Variants in ITPRID2 observed in about 807,000 individuals in gnomAD.
ITPRID2 encodes ITPR interacting domain containing 2, also known as protein ITPRID2.
ITPRID2 carries 60 observed loss-of-function variants against 124.3 expected under a neutral mutation model. The ratio of observed to expected loss-of-function variants is 0.48; its 90% confidence interval spans 0.39 to 0.60. The LOEUF (loss-of-function observed/expected upper bound fraction) is 0.60, where lower values mean the gene tolerates loss of function less well. ITPRID2 is among the 20% of genes least tolerant of loss of function. ITPRID2 has a pLI of 0.00. For missense variants in ITPRID2, 1,553 were observed against 1,512.2 expected, an observed-to-expected ratio of 1.03 and a Z score of -0.45; for synonymous variants, 521 against 542.9, an observed-to-expected ratio of 0.96 and a Z score of 0.56.
Position 181,899,179 on chromosome 2 carries a change from CA to C in ITPRID2, c.503+69del, listed in dbSNP as rs1473581155. Reference sequence around the variant, plus strand: ...AGATGACCTACTCTTATCATTTTTTCAATCTTGGATTTGACCTTGATCATAT... The same window carrying C: ...AGATGACCTACTCTTATCATTTTTTCATCTTGGATTTGACCTTGATCATAT... On this transcript the variant is annotated intron_variant, in intron 6 of 17. Transcript: ENST00000431877. 3 of 1,168,234 alleles carry C rather than the reference CA, an allele frequency of 2.6e-6. No individual in the cohort carries two copies. In the East Asian group the frequency reaches 7.3e-5, roughly 28 times the overall value. The allele number at this position is 1,168,234 out of a possible 1,614,324, so 72.4% of individuals were successfully genotyped here. A position where few individuals can be genotyped will look rare whatever the true frequency, so the allele number is the denominator to read the frequency against.
chr2:181,892,047 GC>G lies in ITPRID2; in HGVS notation c.-19del. Reference sequence around the variant, plus strand: ...TCTCGCGCAGGGTCCGGCTGGGGTAGCGGAGCCCCCAGTGCGGCCATGGACC... The same window carrying G: ...TCTCGCGCAGGGTCCGGCTGGGGTAGGGAGCCCCCAGTGCGGCCATGGACC... On this transcript the variant is annotated 5_prime_UTR_variant, in exon 1 of 18. Transcript: ENST00000431877. This position sits in a 1 kb window ranked among gnomAD's most constrained non-coding sequence, Gnocchi z 5.2. 3 of 1,547,022 alleles carry G rather than the reference GC, an allele frequency of 1.9e-6. No individual in the cohort carries two copies. Among genetic ancestry groups the G allele is most frequent in the Non-Finnish European group, 2.6e-6 (3 of 1,146,104 alleles).
chr2:181,892,422 G>A lies in ITPRID2; in HGVS notation c.211+145G>A. The A allele has an allele frequency of 8.6e-7, 1 of 1,165,912 alleles. No homozygotes were observed. The highest frequency in any genetic ancestry group is 1.2e-6 in the Non-Finnish European group (1 of 831,926). The allele number at this position is 1,165,912 out of a possible 1,614,324, so 72.2% of individuals were successfully genotyped here. ...GGACACTTCCGACCTTCAAACGCGCGCGCTGAACGAGGCGCCCCCAGCGTC... is the reference window on the plus strand; with the variant it reads ...GGACACTTCCGACCTTCAAACGCGCACGCTGAACGAGGCGCCCCCAGCGTC... On this transcript the variant is annotated intron_variant, in intron 1 of 17. Transcript: ENST00000431877. The surrounding 1 kb of genome is among the most constrained non-coding windows in gnomAD (Gnocchi z 5.2).
Position 181,896,760 on chromosome 2 carries a change from A to G in ITPRID2, c.308-148A>G, listed in dbSNP as rs945012713. ...GCTTATACCTGCTTCTTGAAGTTAT[A>G]TAATCAGAATAATGTCTGAGTACAT... On this transcript the variant is annotated intron_variant, in intron 3 of 17. Coordinates refer to ENST00000431877, the MANE Select transcript of ITPRID2 (RefSeq NM_001130445.3). The surrounding 1 kb of genome is among the most constrained non-coding windows in gnomAD (Gnocchi z 4.3). 4.5e-6 allele frequency: 3 copies of G among 664,500 alleles called. No individual in the cohort carries two copies. The highest frequency in any genetic ancestry group is 3.6e-5 in the African/African-American group (2 of 55,196). 41.2% of individuals were successfully genotyped at this position (664,500 alleles called of 1,614,324 possible). A position where few individuals can be genotyped will look rare whatever the true frequency, so the allele number is the denominator to read the frequency against.
intron 8 of ITPRID2, among the ~76,000 whole-genome samples, chr2:181,906,771 A>G (rs1320514093): frequency 1.3e-5 from 2 of 152,108 alleles, no homozygotes; most frequent in African/African-American, 4.8e-5. Context: ...AAATACGGAT[A>G]TTTATCGCAG....
Position 181,918,412 on chromosome 2 carries a change from G to A in ITPRID2, c.2788-186G>A. The A allele has an allele frequency of 2.2e-6, 3 of 1,380,092 alleles. No individual in the cohort carries two copies. The South Asian group carries it at 5.9e-5, about 27-fold the overall frequency. The allele number at this position is 1,380,092 out of a possible 1,614,324, so 85.5% of individuals were successfully genotyped here. A position where few individuals can be genotyped will look rare whatever the true frequency, so the allele number is the denominator to read the frequency against. On this transcript the variant is annotated intron_variant, in intron 11 of 17. Transcript: ENST00000431877. ...CGTAGATTGACTTATACCTGGAACA[G>A]CTAGCAGTACTAGGTGTCATTGGGA...
chr2:181,901,573 G>C (rs1342294764), intron 7 of ITPRID2, among the ~76,000 whole-genome samples, 193 bp from the exon 8 acceptor site: 1 of 152,116 alleles, frequency 6.6e-6, no homozygotes, highest in Non-Finnish European at 1.5e-5. Flanking sequence ...CTAGTGCTTA[G>C]AGTAAAAATC....
rs1478429375 is a variant in ITPRID2, at chr2:181,892,807, C to T, written c.257+147C>T. The T allele has an allele frequency of 2.3e-6, 2 of 856,370 alleles. No homozygotes were observed. Among genetic ancestry groups the T allele is most frequent in the African/African-American group, 1.7e-5 (1 of 59,362 alleles). The allele number at this position is 856,370 out of a possible 1,614,324, so 53.0% of individuals were successfully genotyped here. On this transcript the variant is annotated intron_variant, in intron 2 of 17. Coordinates refer to ENST00000431877, the MANE Select transcript of ITPRID2 (RefSeq NM_001130445.3). This position sits in a 1 kb window ranked among gnomAD's most constrained non-coding sequence, Gnocchi z 5.2. The stretch of plus-strand genomic sequence containing the variant: ...GTGAGCCGGCGGATAGCTTCCTCCT[C>T]TAAGCGATTAGAAATGGAAGTGCTG...
chr2:181,892,537 A>C lies in ITPRID2; in HGVS notation c.212-78A>C. The C allele has an allele frequency of 6.4e-7, 1 of 1,567,686 alleles. No homozygotes were observed. Among genetic ancestry groups the C allele is most frequent in the Non-Finnish European group, 8.8e-7 (1 of 1,138,332 alleles). ...TGCATTTGCCGTGGTAGATTTTCCT[A>C]CTTGGGAGGGTCCAGGGTGACTCCG... On this transcript the variant is annotated intron_variant, in intron 1 of 17. Transcript: ENST00000431877. The surrounding 1 kb of genome is among the most constrained non-coding windows in gnomAD (Gnocchi z 5.2).
intron 8 of ITPRID2, among the ~76,000 whole-genome samples, chr2:181,904,722 A>G (rs1692959746): frequency 6.6e-6 from 1 of 152,236 alleles, no homozygotes; most frequent in African/African-American, 2.4e-5. Context: ...CTGTCTCAGT[A>G]AATCAGTTCT....
At chr2:181,916,656 C>G (rs1574279278) in intron 11 of ITPRID2, 1 of 723,616 alleles carries the variant, frequency 1.4e-6, no homozygotes, top group Non-Finnish European at 2.0e-6. Flanking sequence ...AAGTCTGTCT[C>G]CTTTCCAAGA....
At chr2:181,894,709 A>G (rs1347880106) in intron 2 of ITPRID2, 1 of 152,114 alleles carries the variant, frequency 6.6e-6, no homozygotes, top group Non-Finnish European at 1.5e-5. Context: ...GGGAGTCTTT[A>G]TTTTGATAAC....
chr2:181,909,032 CAG>C (rs1693388036), intron 8 of ITPRID2, among the ~76,000 whole-genome samples: 1 of 152,054 alleles, frequency 6.6e-6, no homozygotes, highest in South Asian at 2.1e-4. Flanking sequence ...TTAGAATAGA[CAG>C]AGTGTTTGTG....
chr2:181,894,851 G>T (rs1574193470), intron 2 of ITPRID2, among the ~76,000 whole-genome samples: 1 of 152,168 alleles, frequency 6.6e-6, no homozygotes, highest in East Asian at 1.9e-4. Flanking sequence ...CTGTTACTCT[G>T]CTTATCTACC....
In ITPRID2 at chr2:181,891,946, G is replaced by T. The variant is rs1466842102; in HGVS notation, c.-121G>T. On this transcript the variant is annotated 5_prime_UTR_variant, in exon 1 of 18. Transcript: ENST00000431877. ...CTCCTCCTCCTCCTCCTCCTCCGGCGCCCGCTTCAGCTCCCCGGGGCCCCC... is the reference window on the plus strand; with the variant it reads ...CTCCTCCTCCTCCTCCTCCTCCGGCTCCCGCTTCAGCTCCCCGGGGCCCCC... 14 of 492,564 alleles carry T rather than the reference G, an allele frequency of 2.8e-5. No homozygotes were observed. In the Admixed American group the frequency reaches 4.7e-4, roughly 16 times the overall value. The allele number at this position is 492,564 out of a possible 1,614,324, so 30.5% of individuals were successfully genotyped here. A position where few individuals can be genotyped will look rare whatever the true frequency, so the allele number is the denominator to read the frequency against.
In ITPRID2 at chr2:181,910,538, C is replaced by A; in HGVS notation, c.1486+567C>A. ...CCCTTTCACTTTTAACTTGCAACAA[C>A]AACAACAACAAAAATGTGTGATCTT... On this transcript the variant is annotated intron_variant, in intron 9 of 17. Transcript: ENST00000431877. The surrounding 1 kb of genome is among the most constrained non-coding windows in gnomAD (Gnocchi z 4.1). The A allele has an allele frequency of 1.5e-6, 1 of 662,410 alleles. No individual in the cohort carries two copies. 41.0% of individuals were successfully genotyped at this position (662,410 alleles called of 1,614,324 possible). A position where few individuals can be genotyped will look rare whatever the true frequency, so the allele number is the denominator to read the frequency against.
intron 11 of ITPRID2, 176 bp from the exon 12 acceptor site, chr2:181,918,422 C>G: frequency 7.0e-7 from 1 of 1,437,300 alleles, no homozygotes; most frequent in Non-Finnish European, 9.1e-7. Context: ...GCTAGCAGTA[C>G]TAGGTGTCAT....
chr2:181,901,318 T>C (rs1368925357), intron 7 of ITPRID2, among the ~76,000 whole-genome samples: 1 of 152,170 alleles, frequency 6.6e-6, no homozygotes, highest in Admixed American at 6.5e-5. Context: ...ATTCCAAAAA[T>C]AGGATTCCAA....
Position 181,930,558 on chromosome 2 carries a change from T to A in ITPRID2, c.*1011T>A, listed in dbSNP as rs1247642245. The A allele has an allele frequency of 6.6e-6, 1 of 152,612 alleles. No homozygotes were observed. The highest frequency in any genetic ancestry group is 2.4e-5 in the African/African-American group (1 of 41,454). The allele number at this position is 152,612 out of a possible 1,614,324, so 9.5% of individuals were successfully genotyped here. A position where few individuals can be genotyped will look rare whatever the true frequency, so the allele number is the denominator to read the frequency against. On this transcript the variant is annotated 3_prime_UTR_variant, in exon 18 of 18. Coordinates refer to ENST00000431877, the MANE Select transcript of ITPRID2 (RefSeq NM_001130445.3). ...ATTAGAATTTTTCTTCTAGCATTTATAATTTTTTCAACTCCTATTGTGTTT... is the reference window on the plus strand; with the variant it reads ...ATTAGAATTTTTCTTCTAGCATTTAAAATTTTTTCAACTCCTATTGTGTTT...
intron 10 of ITPRID2, among the ~76,000 whole-genome samples, chr2:181,914,321 T>C (rs933322043): frequency 1.3e-5 from 2 of 152,208 alleles, no homozygotes; most frequent in Admixed American, 1.3e-4. Context: ...CTGAGTGTTA[T>C]ACTGATTTTT....
Sources: allele counts gnomAD v4.1 joint callset (sites outside exome capture counted in the v4.1 genomes callset), GRCh38; gene constraint gnomAD v4.1.1; non-coding constraint Gnocchi (gnomAD v3.1); transcripts MANE v1.5; gene names NCBI Gene and HGNC (gene_info 2026-07-23, HGNC 2026-07-21).